The following MAPK6 variants were observed in gnomAD, a reference collection of about 807,000 sequenced individuals.
The protein encoded by MAPK6 is mitogen-activated protein kinase 6.
A neutral mutation model predicts 59.3 loss-of-function variants in MAPK6; 19 were observed. The observed-to-expected ratio is 0.32, with a 90% CI of 0.22 to 0.47. The LOEUF (loss-of-function observed/expected upper bound fraction) is 0.47. Ranked by LOEUF, MAPK6 falls within the 20% of genes least tolerant of loss-of-function variation. The pLI, the probability that MAPK6 is intolerant of heterozygous loss-of-function variation, is 1.00. For missense variants in MAPK6, 724 were observed against 847.9 expected (o/e 0.85, Z 1.81); for synonymous variants, 316 against 290.3 (o/e 1.09, Z -0.90).
intron 3 of MAPK6, among the ~76,000 whole-genome samples, chr15:52,056,377 C>G (rs1267089143): frequency 6.6e-6 from 1 of 152,154 alleles, no homozygotes; most frequent in Non-Finnish European, 1.5e-5. Flanking sequence ...CTGTCCTGAC[C>G]CCACAGTCCC....
chr15:51,980,140 C>T (rs997198768), intron 1 of MAPK6, among the ~76,000 whole-genome samples: 3 of 150,992 alleles, frequency 2.0e-5, no homozygotes, highest in Admixed American at 2.0e-4. Context: ...ACTAAAAATA[C>T]AAAAATTAGC....
intron 3 of MAPK6, among the ~76,000 whole-genome samples, chr15:52,053,587 C>G (rs574382599): frequency 2.0e-5 from 3 of 150,472 alleles, no homozygotes; most frequent in African/African-American, 7.4e-5. Context: ...TCTTTTGAAA[C>G]AAGATTGATT....
intron 2 of MAPK6, among the ~76,000 whole-genome samples, chr15:51,984,447 A>ATTTTTTTTTTTTTTTTTTTTTTT (rs71130112): frequency 1.0e-4 from 7 of 69,974 alleles, no homozygotes; most frequent in Admixed American, 4.2e-4. Flanking sequence ...ACGCCGGCTA[A>ATTTTTTTTTTTTTTTTTTTTTTT]TTTTTTTTTT....
chr15:52,056,792 G>A (rs1229402591), intron 3 of MAPK6: 1 of 152,114 alleles, frequency 6.6e-6, no homozygotes, highest in Non-Finnish European at 1.5e-5. Context: ...TCCCTGGGTA[G>A]TCTCATTCTT....
chr15:52,007,883 G>A (rs945921432), intron 3 of MAPK6, among the ~76,000 whole-genome samples: 10 of 140,666 alleles, frequency 7.1e-5, no homozygotes, highest in African/African-American at 2.4e-4. Context: ...GTTCCACTCC[G>A]TCACCCAGGC....
rs2959281 is a variant in MAPK6, at chr15:51,986,372, T to A, written c.-770+3057T>A. 6.9e-3 allele frequency among the ~76,000 whole-genome samples: 1,050 copies of A among 151,514 alleles called. 24 individuals are homozygous for A. The highest frequency in any genetic ancestry group is 0.064 in the East Asian group (330 of 5,174). Reference sequence around the variant, plus strand: ...AAAGCAGTATTTTGGATTATCCCAATTTCGTTTTTTTTTTAAGTATATGTA... The same window carrying A: ...AAAGCAGTATTTTGGATTATCCCAAATTCGTTTTTTTTTTAAGTATATGTA... On this transcript the variant is annotated intron_variant, in intron 2 of 7. Coordinates refer to the MAPK6 transcript ENST00000691380.
upstream of MAPK6, among the ~76,000 whole-genome samples, chr15:52,016,060 G>GCACACACA (rs1318752815): frequency 1.8e-5 from 1 of 56,988 alleles, no homozygotes; most frequent in Non-Finnish European, 3.3e-5. Context: ...CATCGCGCGC[G>GCACACACA]CGCGCGCGCG....
At chr15:51,998,708 T>TTTTTTTTTTTTTTTTTTTA (rs71130113) in intron 2 of MAPK6, among the ~76,000 whole-genome samples, 5 of 122,492 alleles carry the variant, frequency 4.1e-5, no homozygotes, top group Non-Finnish European at 6.9e-5. Flanking sequence ...TTTTTTTTTT[T>TTTTTTTTTTTTTTTTTTTA]GAGACGGAGT....
chr15:51,982,298 C>T (rs757457944), intron 1 of MAPK6, among the ~76,000 whole-genome samples: 3 of 152,194 alleles, frequency 2.0e-5, no homozygotes, highest in East Asian at 1.9e-4. Context: ...ACTGCTGGCA[C>T]GCAGGCTGCA....
intron 2 of MAPK6, among the ~76,000 whole-genome samples, chr15:51,999,515 A>G (rs2057236335): frequency 6.6e-6 from 1 of 152,100 alleles, no homozygotes; most frequent in Non-Finnish European, 1.5e-5. Context: ...TTTTTTATAT[A>G]TTCTGGCTAG....
At chr15:51,986,852 A>G (rs895270242) in intron 2 of MAPK6, among the ~76,000 whole-genome samples, 4 of 152,206 alleles carry the variant, frequency 2.6e-5, no homozygotes, top group African/African-American at 9.7e-5. Flanking sequence ...GACTATTATG[A>G]CAGCCCTTTA....
At chr15:52,010,162 G>T (rs1407439015) in intron 3 of MAPK6, among the ~76,000 whole-genome samples, 1 of 152,120 alleles carries the variant, frequency 6.6e-6, no homozygotes, top group African/African-American at 2.4e-5. Context: ...CCTGAAACGG[G>T]CTACTTGGTA....
intron 3 of MAPK6, among the ~76,000 whole-genome samples, chr15:52,056,213 C>G (rs964718890): frequency 1.3e-5 from 2 of 152,188 alleles, no homozygotes; most frequent in Non-Finnish European, 2.9e-5. Flanking sequence ...GTTCCTGTCC[C>G]AGGTTAACAC....
intron 1 of MAPK6, among the ~76,000 whole-genome samples, chr15:51,978,462 C>G (rs2057163379): frequency 6.6e-6 from 1 of 151,838 alleles, no homozygotes; most frequent in South Asian, 2.1e-4. Flanking sequence ...TATCTAAACT[C>G]TATTACCACA....
chr15:52,040,261 C>T (rs548209946), intron 1 of MAPK6, among the ~76,000 whole-genome samples: 3 of 152,328 alleles, frequency 2.0e-5, no homozygotes, highest in African/African-American at 7.2e-5. Context: ...CTCAACCTTT[C>T]CCTTCTGTCC....
chr15:52,007,015 TA>T (rs760218425), intron 3 of MAPK6, among the ~76,000 whole-genome samples: 16 of 152,192 alleles, frequency 1.1e-4, no homozygotes, highest in Non-Finnish European at 2.1e-4. Flanking sequence ...GAAGGCCATT[TA>T]GCCCATATGC....
Position 52,028,277 on chromosome 15 carries a change from A to G in MAPK6, c.-632+8901A>G, listed in dbSNP as rs938529974. On this transcript the variant is annotated intron_variant, in intron 1 of 5. Coordinates refer to ENST00000261845, the MANE Select transcript of MAPK6 (RefSeq NM_002748.4). ...ATTTTTGTATTTTTAGTAGAGACGG[A>G]TTCGTCTCTGTGTTGACCAGGCTGG... is the stretch of plus-strand genomic sequence containing the variant. Among the ~76,000 whole-genome samples, 8 of 151,984 alleles carry G rather than the reference A, an allele frequency of 5.3e-5. No individual in the cohort carries two copies. In the East Asian group the frequency reaches 1.4e-3, roughly 26 times the overall value.
intron 1 of MAPK6, among the ~76,000 whole-genome samples, chr15:51,973,219 G>A (rs1330848036): frequency 2.6e-5 from 4 of 151,890 alleles, no homozygotes; most frequent in Non-Finnish European, 1.5e-5. Flanking sequence ...TGTATGAAGC[G>A]GATGTTGCAA....
chr15:51,985,707 C>G (rs1376209782), intron 2 of MAPK6, among the ~76,000 whole-genome samples: 1 of 151,994 alleles, frequency 6.6e-6, no homozygotes, highest in Non-Finnish European at 1.5e-5. Context: ...GCCTGTAATC[C>G]TAACACTTTG....
Sources: gnomAD v4.1 joint callset for allele counts (sites outside exome capture counted in the v4.1 genomes callset) on GRCh38, gnomAD v4.1.1 for gene constraint, MANE v1.5 for transcripts, NCBI Gene and HGNC (gene_info 2026-07-23, HGNC 2026-07-21) for gene names.